ZNF540: variants seen among roughly 807,000 people sequenced by gnomAD.
ZNF540 encodes zinc finger protein 540.
ZNF540 carries 3 observed loss-of-function variants against 11.8 expected under a neutral mutation model. The observed-to-expected ratio is 0.25, with a 90% confidence interval of 0.12 to 0.65. The LOEUF is 0.65. ZNF540 is among the 30% of genes least tolerant of loss of function. The pLI, the probability that ZNF540 is intolerant of heterozygous loss-of-function variation, is 0.83. For missense variants in ZNF540, 709 were observed against 793.1 expected (o/e 0.89, Z 1.27); for synonymous variants, 247 against 259.0 (o/e 0.95, Z 0.45).
Position 37,613,168 on chromosome 19 carries a change from A to G in ZNF540, c.1888A>G (p.Thr630Ala), listed in dbSNP as rs770468137. The G allele has an allele frequency of 3.6e-5, 58 of 1,613,646 alleles. No homozygotes were observed. Among genetic ancestry groups the G allele is most frequent in the Non-Finnish European group, 4.9e-5 (58 of 1,179,746 alleles). ...CCTTACTGAACATCAGAGAATTCAC[A>G]CTGGTGAGAAACCCTATGAGTGTAA... ...SHLTEHQRIHTGEKPYECKVC... is the reference protein window; with the variant it reads ...SHLTEHQRIHAGEKPYECKVC... The change falls in exon 5 of 5, where the codon ACT becomes GCT. Residue 630 changes from threonine (T) to alanine (A), a missense_variant. Transcript: ENST00000316433.
chr19:37,600,954 T>G, intron 3 of ZNF540, 56 bp from the exon 4 acceptor site: 1 of 1,419,912 alleles, frequency 7.0e-7, no homozygotes, highest in Non-Finnish European at 9.6e-7. Context: ...TCAAAATGTT[T>G]CTGAATGTGC....
chr19:37,564,536 C>T, intron 1 of ZNF540: 1 of 1,404,982 alleles, frequency 7.1e-7, no homozygotes, highest in Non-Finnish European at 9.4e-7. Flanking sequence ...AGATGTTCTA[C>T]ATTCATTATA....
At position 37,565,448 on chromosome 19, in the gene ZNF540, C is replaced by T. The variant is rs1600455656; in HGVS notation, c.-73+13783C>T. On this transcript the variant is annotated intron_variant, in intron 1 of 4. Coordinates refer to the ZNF540 transcript ENST00000592533. The stretch of plus-strand genomic sequence containing the variant: ...GTAAGGCTTTTCACCAGTATGAACT[C>T]TCTGATGGTATGTAAGGTGTGAACC... The T allele has an allele frequency of 2.5e-6, 4 of 1,612,940 alleles. No individual in the cohort carries two copies. The South Asian group carries it at 3.3e-5, about 13-fold the overall frequency.
intron 4 of ZNF540, among the ~76,000 whole-genome samples, chr19:37,605,580 G>A (rs1016747178): frequency 8.5e-5 from 13 of 152,224 alleles, no homozygotes; most frequent in African/African-American, 1.2e-4. Flanking sequence ...ACTGGAAGGC[G>A]GAGGTTGCAG....
Position 37,570,311 on chromosome 19 carries a change from C to T in ZNF540, c.-73+18646C>T, listed in dbSNP as rs535881280. On this transcript the variant is annotated intron_variant, in intron 1 of 4. Transcript: ENST00000592533. ...TACAAATCGTCTACAACCTCTGCCC[C>T]GCCTGTGATTATTTTCTTCACCTTC... Among the ~76,000 whole-genome samples the T allele has an allele frequency of 1.1e-4, 16 of 152,230 alleles. No homozygotes were observed. In the East Asian group the frequency reaches 2.3e-3, roughly 22 times the overall value.
Position 37,613,628 on chromosome 19 carries a change from C to A in ZNF540, c.*365C>A. ...TATAATACAGCAACAACTATCTGGC[C>A]CAAACTGCTTTGGATTAATATTGGA... On this transcript the variant is annotated 3_prime_UTR_variant, in exon 5 of 5. Transcript: ENST00000316433. 1 of 396,194 alleles carries A rather than the reference C, an allele frequency of 2.5e-6. No individual in the cohort carries two copies. The highest frequency in any genetic ancestry group is 4.4e-6 in the Non-Finnish European group (1 of 225,272). 24.5% of individuals were successfully genotyped at this position (396,194 alleles called of 1,614,324 possible).
intron 1 of ZNF540, chr19:37,564,655 A>G: frequency 6.2e-7 from 1 of 1,606,956 alleles, no homozygotes; most frequent in Non-Finnish European, 8.5e-7. Context: ...AGTCTTTACC[A>G]CACTGGACAC....
intron 1 of ZNF540, chr19:37,562,433 C>T (rs1341860166): frequency 6.6e-6 from 1 of 152,010 alleles, no homozygotes; most frequent in Non-Finnish European, 1.5e-5. Flanking sequence ...AGAGATAACA[C>T]TGCATATAGA....
Position 37,612,701 on chromosome 19 carries a change from A to C in ZNF540, c.1421A>C (p.Lys474Thr), listed in dbSNP as rs1568369914. The change falls in exon 5 of 5, where the codon AAG becomes ACG. Residue 474 changes from lysine (K) to threonine (T), a missense_variant. Physicochemically the swap from Lys to Thr is moderately conservative, Grantham distance 78 (BLOSUM62 -1). Coordinates refer to ENST00000316433, the MANE Select transcript of ZNF540 (RefSeq NM_001172225.3). ...CCCTACGAATGTAAGGAATGTGGGA[A>C]GACCTTTCGAGTTCGTTCTCAAATT... is the stretch of plus-strand genomic sequence containing the variant. ...VKPYECKECG[K>T]TFRVRSQISL... 1 of 1,614,038 alleles carries C rather than the reference A, an allele frequency of 6.2e-7. No homozygotes were observed. Among genetic ancestry groups the C allele is most frequent in the East Asian group, 2.2e-5 (1 of 44,894 alleles).
In ZNF540 at chr19:37,555,950, A is replaced by G. The variant is rs762704535; in HGVS notation, c.-73+4285A>G. On this transcript the variant is annotated intron_variant, in intron 1 of 4. Coordinates refer to the ZNF540 transcript ENST00000592533. ...TGGCTAAAGTTACACATGTCCAATC[A>G]GGGCAGAAAAACTGGTAAGTATCTC... 7 of 700,976 alleles carry G rather than the reference A, an allele frequency of 1.0e-5. No homozygotes were observed. The Admixed American group carries it at 1.0e-4, about 10-fold the overall frequency. 43.4% of individuals were successfully genotyped at this position (700,976 alleles called of 1,614,324 possible). A position where few individuals can be genotyped will look rare whatever the true frequency, so the allele number is the denominator to read the frequency against.
chr19:37,588,879 C>G (rs2043775127), intron 1 of ZNF540, among the ~76,000 whole-genome samples: 1 of 151,930 alleles, frequency 6.6e-6, no homozygotes, highest in Non-Finnish European at 1.5e-5. Flanking sequence ...CAAATTAACT[C>G]CAAATATATA....
In ZNF540 at chr19:37,564,974, C is replaced by T. The variant is rs151146788; in HGVS notation, c.-73+13309C>T. The T allele has an allele frequency of 2.5e-5, 41 of 1,613,400 alleles. No homozygotes were observed. Among genetic ancestry groups the T allele is most frequent in the South Asian group, 1.8e-4 (16 of 91,034 alleles). On this transcript the variant is annotated intron_variant, in intron 1 of 4. Coordinates refer to the ZNF540 transcript ENST00000592533. ...TTGATGATATGTAAGTTGTGTAGCA[C>T]GTACAAAGGTCTTCCCACATTCCTT... is the stretch of plus-strand genomic sequence containing the variant.
intron 1 of ZNF540, among the ~76,000 whole-genome samples, chr19:37,588,211 A>G (rs948950378): frequency 5.9e-5 from 9 of 152,078 alleles, no homozygotes; most frequent in Non-Finnish European, 1.2e-4. Context: ...CATATGATAT[A>G]CAAATTAAAT....
chr19:37,555,678 G>A, intron 1 of ZNF540: 1 of 579,486 alleles, frequency 1.7e-6, no homozygotes. Context: ...GGGTCACCTA[G>A]ATCAGTTAAA....
intron 1 of ZNF540, among the ~76,000 whole-genome samples, chr19:37,577,007 AAC>A (rs1255012370): frequency 6.6e-5 from 10 of 152,182 alleles, no homozygotes; most frequent in African/African-American, 2.4e-4. Context: ...AAAGGTACTA[AAC>A]ACAAGTATTT....
intron 1 of ZNF540, among the ~76,000 whole-genome samples, chr19:37,576,504 G>A (rs1238830725): frequency 1.3e-5 from 2 of 152,132 alleles, no homozygotes; most frequent in African/African-American, 2.4e-5. Flanking sequence ...TAAAAATTAA[G>A]CAATTAACAC....
chr19:37,558,996 A>C (rs2042690119), intron 1 of ZNF540, among the ~76,000 whole-genome samples: 1 of 152,100 alleles, frequency 6.6e-6, no homozygotes, highest in African/African-American at 2.4e-5. Flanking sequence ...GGCATGCACC[A>C]CCACACCTGG....
Position 37,613,469 on chromosome 19 carries a change from T to C in ZNF540, c.*206T>C. 2.2e-6 allele frequency: 1 copy of C among 453,426 alleles called. No homozygotes were observed. The allele number at this position is 453,426 out of a possible 1,614,324, so 28.1% of individuals were successfully genotyped here. A position where few individuals can be genotyped will look rare whatever the true frequency, so the allele number is the denominator to read the frequency against. ...ATGTAACAGTTGTGGAAAAGTGTTC[T>C]AGCAACAGCATATACTTATCATCAT... On this transcript the variant is annotated 3_prime_UTR_variant, in exon 5 of 5. Coordinates refer to ENST00000316433, the MANE Select transcript of ZNF540 (RefSeq NM_001172225.3).
intron 1 of ZNF540, chr19:37,566,341 TAAA>T (rs1185023577): frequency 3.3e-6 from 5 of 1,533,762 alleles, no homozygotes; most frequent in Admixed American, 2.2e-5. Flanking sequence ...CAAGGAGAAA[TAAA>T]AATTCTATGG....
Sources: gnomAD v4.1 joint callset for allele counts (sites outside exome capture counted in the v4.1 genomes callset) on GRCh38, gnomAD v4.1.1 for gene constraint, MANE v1.5 for transcripts, NCBI Gene and HGNC (gene_info 2026-07-23, HGNC 2026-07-21) for gene names.